The following AKR1C3 variants were observed in gnomAD, a reference collection of about 807,000 sequenced individuals.
AKR1C3 encodes aldo-keto reductase family 1 member C3, also known as 3-alpha hydroxysteroid dehydrogenase, type II.
Under a neutral mutation model 43.6 loss-of-function variants are expected in AKR1C3, and 48 were observed. The observed-to-expected ratio is 1.10, with a 90% CI of 0.87 to 1.40. AKR1C3 has a LOEUF of 1.40. Ranked by LOEUF, AKR1C3 falls within the 40% of genes most tolerant of loss-of-function variation. The pLI, the probability that AKR1C3 is intolerant of heterozygous loss-of-function variation, is 0.00. For missense variants in AKR1C3, 482 were observed against 391.2 expected (o/e 1.23, Z -1.96); for synonymous variants, 162 against 139.6 (o/e 1.16, Z -1.13).
chr10:5,054,990 C>T (rs1554779407), intron 1 of AKR1C3, among the ~76,000 whole-genome samples: 1 of 152,256 alleles, frequency 6.6e-6, no homozygotes, highest in Non-Finnish European at 1.5e-5. Context: ...TAGGAACTCC[C>T]TTTCTTTCCA....
upstream of AKR1C3, among the ~76,000 whole-genome samples, chr10:5,092,039 T>TA (rs1210930916): frequency 2.7e-5 from 4 of 147,854 alleles, no homozygotes; most frequent in Non-Finnish European, 4.5e-5. Flanking sequence ...ACTTTCTAAT[T>TA]AAAAAAAAAT....
chr10:5,104,050 C>T (rs1284639800), intron 7 of AKR1C3, among the ~76,000 whole-genome samples: 2 of 152,034 alleles, frequency 1.3e-5, no homozygotes, highest in African/African-American at 4.8e-5. Context: ...GAAGTACCAC[C>T]TCCCAAATTG....
At chr10:5,107,228 T>G (rs1839528319) in intron 8 of AKR1C3, among the ~76,000 whole-genome samples, 1 of 152,080 alleles carries the variant, frequency 6.6e-6, no homozygotes, top group Non-Finnish European at 1.5e-5. Context: ...TACTTGAATA[T>G]TTGACTTTGT....
At chr10:5,098,673 C>T in intron 3 of AKR1C3, 129 bp from the exon 4 acceptor site, 1 of 725,128 alleles carries the variant, frequency 1.4e-6, no homozygotes, top group Non-Finnish European at 2.4e-6. Flanking sequence ...ACACTTAGCA[C>T]ATATCACTTT....
intron 5 of AKR1C3, chr10:5,099,764 C>T: frequency 2.9e-6 from 1 of 340,060 alleles, no homozygotes; most frequent in Non-Finnish European, 5.5e-6. Flanking sequence ...GAAAGATGAC[C>T]AGAAAGTGCA....
At chr10:5,061,402 G>A (rs1838379930) in intron 1 of AKR1C3, among the ~76,000 whole-genome samples, 1 of 152,170 alleles carries the variant, frequency 6.6e-6, no homozygotes, top group Admixed American at 6.5e-5. Flanking sequence ...GCTTCCTCCA[G>A]CAGTGTGGAG....
intron 1 of AKR1C3, among the ~76,000 whole-genome samples, chr10:5,061,688 C>T (rs1838386828): frequency 6.6e-6 from 1 of 152,178 alleles, no homozygotes; most frequent in Non-Finnish European, 1.5e-5. Context: ...AGTATTGACC[C>T]TATTGAGCTG....
At chr10:5,106,287 G>A (rs925400792) in intron 8 of AKR1C3, among the ~76,000 whole-genome samples, 3 of 152,160 alleles carry the variant, frequency 2.0e-5, no homozygotes, top group South Asian at 2.1e-4. Context: ...CCTGCAATAT[G>A]GAGCTCTCAA....
chr10:5,098,261 T>C, intron 3 of AKR1C3: 1 of 917,462 alleles, frequency 1.1e-6, no homozygotes, highest in Non-Finnish European at 1.3e-6. Context: ...CCAACACTTT[T>C]TTTTATTATT....
chr10:5,104,009 A>AT (rs1171943253), intron 7 of AKR1C3, among the ~76,000 whole-genome samples: 2 of 152,122 alleles, frequency 1.3e-5, no homozygotes, highest in Non-Finnish European at 2.9e-5. Flanking sequence ...TATTCTGGGT[A>AT]TTAATCGTTT....
rs1838937677 is a variant in AKR1C3 at position 5,085,316 on chromosome 10, T to C, written c.85-11094T>C. Among the ~76,000 whole-genome samples, 4 of 152,038 alleles carry C rather than the reference T, an allele frequency of 2.6e-5. No individual in the cohort carries two copies. The South Asian group carries it at 6.3e-4, about 24-fold the overall frequency. ...GTTGAATTTTGTCAAAGGCCTTTTC[T>C]GCATCTATTGAGATAATCATGTGGT... On this transcript the variant is annotated intron_variant, in intron 1 of 8. Transcript: ENST00000439082.
chr10:5,085,427 C>A (rs1554782968), intron 1 of AKR1C3, among the ~76,000 whole-genome samples: 1 of 151,974 alleles, frequency 6.6e-6, no homozygotes, highest in East Asian at 1.9e-4. Context: ...GGATGAAGCC[C>A]ACTTGATTAT....
At chr10:5,096,321 GC>G (rs1839205658) in intron 1 of AKR1C3, 88 bp from the exon 2 acceptor site, 2 of 1,476,790 alleles carry the variant, frequency 1.4e-6, no homozygotes, top group African/African-American at 1.4e-5. Context: ...AGGAGGAAAA[GC>G]TGATTCTTGT....
intron 1 of AKR1C3, among the ~76,000 whole-genome samples, chr10:5,053,731 G>C (rs4881385): frequency 0.96 from 146,280 of 152,334 alleles, 70,268 homozygotes; most frequent in East Asian, 0.99. Flanking sequence ...CTAGCTAATT[G>C]CTGCTGGATA....
chr10:5,058,978 C>T lies in AKR1C3; in HGVS notation c.84+10083C>T, dbSNP rs146650583. On this transcript the variant is annotated intron_variant, in intron 1 of 8. Transcript: ENST00000439082. Reference sequence around the variant, plus strand: ...ATGCCCCAAAAATGAAGTGAAGGACCTTACCCTGACGGAGGTAAGGGATCT... The same window carrying T: ...ATGCCCCAAAAATGAAGTGAAGGACTTTACCCTGACGGAGGTAAGGGATCT... Among the ~76,000 whole-genome samples, 294 of 152,262 alleles carry T rather than the reference C, an allele frequency of 1.9e-3. 1 individual carries two copies. Among genetic ancestry groups the T allele is most frequent in the African/African-American group, 6.7e-3 (278 of 41,558 alleles).
chr10:5,090,170 A>G (rs72549130), upstream of AKR1C3, among the ~76,000 whole-genome samples: 10,497 of 152,216 alleles, frequency 0.069, 468 homozygotes, highest in Non-Finnish European at 0.096. Flanking sequence ...TGGAATGATC[A>G]GTGCCCTGAG....
intron 1 of AKR1C3, among the ~76,000 whole-genome samples, chr10:5,057,460 A>T (rs2131779239): frequency 6.6e-6 from 1 of 152,148 alleles, no homozygotes; most frequent in Non-Finnish European, 1.5e-5. Flanking sequence ...TTCTCCTGAT[A>T]TCTGTGGCTG....
intron 1 of AKR1C3, among the ~76,000 whole-genome samples, chr10:5,082,090 TAGA>T (rs2131818533): frequency 6.6e-6 from 1 of 152,274 alleles, no homozygotes; most frequent in African/African-American, 2.4e-5. Flanking sequence ...CTGCCTTAAA[TAGA>T]GGGAGTTTTA....
Position 5,105,579 on chromosome 10 carries a change from T to G in AKR1C3, c.847-16T>G. Reference sequence around the variant, plus strand: ...CTGGCAATCTAAAAATAATAAAAGTTTTTTATTTCTGATAGGTTTTTGAGT... The same window carrying G: ...CTGGCAATCTAAAAATAATAAAAGTGTTTTATTTCTGATAGGTTTTTGAGT... On this transcript the variant is annotated splice_polypyrimidine_tract_variant and intron_variant, in intron 7 of 8. Coordinates refer to ENST00000380554, the MANE Select transcript of AKR1C3 (RefSeq NM_003739.6). The G allele has an allele frequency of 6.2e-7, 1 of 1,603,148 alleles. No homozygotes were observed. Among genetic ancestry groups the G allele is most frequent in the Non-Finnish European group, 8.5e-7 (1 of 1,171,940 alleles).
Sources: allele counts gnomAD v4.1 joint callset (sites outside exome capture counted in the v4.1 genomes callset), GRCh38; gene constraint gnomAD v4.1.1; transcripts MANE v1.5; gene names NCBI Gene and HGNC (gene_info 2026-07-23, HGNC 2026-07-21).